Variants in ZMYM2 observed in about 807,000 individuals in gnomAD.
The protein encoded by ZMYM2 is zinc finger MYM-type containing 2, also known as zinc finger MYM-type protein 2.
A neutral mutation model predicts 162.8 loss-of-function variants in ZMYM2; 56 were observed. That is an observed-to-expected ratio of 0.34 (90% CI 0.28 to 0.43). ZMYM2 has a LOEUF of 0.43. Ranked by LOEUF, ZMYM2 falls within the 20% of genes least tolerant of loss-of-function variation. ZMYM2 has a pLI of 1.00. For missense variants in ZMYM2, 1,275 were observed against 1,621.8 expected, an observed-to-expected ratio of 0.79 and a Z score of 3.67; for synonymous variants, 510 against 541.6, an observed-to-expected ratio of 0.94 and a Z score of 0.81.
chr13:19,878,409 G>A, the ZMYM2 span, among the ~76,000 whole-genome samples: 1 of 151,486 alleles, frequency 6.6e-6, no homozygotes, highest in Admixed American at 6.6e-5. Context: ...ATCCAATTGT[G>A]GTTCTGATTT....
intron 2 of ZMYM2, among the ~76,000 whole-genome samples, chr13:19,979,428 CTT>C (rs71763618): frequency 0.038 from 4,217 of 110,880 alleles, 121 homozygotes; most frequent in East Asian, 0.15. Flanking sequence ...TTTTTCTGCA[CTT>C]TTTTTTTTTT....
At chr13:19,889,845 C>A in the ZMYM2 span, among the ~76,000 whole-genome samples, 2 of 151,110 alleles carry the variant, frequency 1.3e-5, no homozygotes, top group South Asian at 4.2e-4. Flanking sequence ...ATTTTTGAAC[C>A]AATAAGTATT....
chr13:20,054,714 A>G (rs1322350783), intron 14 of ZMYM2, among the ~76,000 whole-genome samples: 1 of 152,244 alleles, frequency 6.6e-6, no homozygotes. Flanking sequence ...ATTGACATAA[A>G]GTAGTATTTG....
intron 2 of ZMYM2, among the ~76,000 whole-genome samples, chr13:19,960,692 A>T (rs76069527): frequency 0.1 from 15,472 of 152,236 alleles, 1,303 homozygotes; most frequent in African/African-American, 0.22. Context: ...ATGTGTTACC[A>T]GAGAATTATT....
the ZMYM2 span, among the ~76,000 whole-genome samples, chr13:19,892,602 A>G: frequency 1.7e-4 from 25 of 151,376 alleles, 1 homozygote; most frequent in Non-Finnish European, 2.5e-4. Flanking sequence ...AAATTTTGAC[A>G]TGTGTTCTGG....
At chr13:20,051,206 C>CT (rs1955294062) in intron 12 of ZMYM2, among the ~76,000 whole-genome samples, 1 of 145,282 alleles carries the variant, frequency 6.9e-6, no homozygotes, top group African/African-American at 2.5e-5. Context: ...TAATGCTGGT[C>CT]TTTGACTTCT....
At chr13:19,889,686 C>G in the ZMYM2 span, among the ~76,000 whole-genome samples, 1 of 151,738 alleles carries the variant, frequency 6.6e-6, no homozygotes, top group East Asian at 1.9e-4. Context: ...ATCTCTTGTG[C>G]CTTTTAGTGC....
chr13:20,034,767 A>G (rs1799713219), intron 11 of ZMYM2, among the ~76,000 whole-genome samples: 1 of 152,180 alleles, frequency 6.6e-6, no homozygotes, highest in South Asian at 2.1e-4. Context: ...CTAACCTGCA[A>G]AGGTTTTCAA....
intron 24 of ZMYM2, among the ~76,000 whole-genome samples, chr13:20,084,150 C>CT (rs1958090983): frequency 6.6e-6 from 1 of 152,126 alleles, no homozygotes; most frequent in African/African-American, 2.4e-5. Context: ...GTTGCTGGGA[C>CT]TGCAGGCATG....
intron 14 of ZMYM2, among the ~76,000 whole-genome samples, chr13:20,056,057 G>A (rs10492509): frequency 0.013 from 2,051 of 152,256 alleles, 54 homozygotes; most frequent in African/African-American, 0.041. Flanking sequence ...TTATTTTTAC[G>A]AGGTCATTGG....
At chr13:20,055,099 G>A (rs1429260519) in intron 14 of ZMYM2, among the ~76,000 whole-genome samples, 1 of 151,866 alleles carries the variant, frequency 6.6e-6, no homozygotes, top group Non-Finnish European at 1.5e-5. Context: ...TTCTATAAAG[G>A]CTGACTGTGG....
At chr13:19,901,657 A>G in the ZMYM2 span, among the ~76,000 whole-genome samples, 1 of 152,034 alleles carries the variant, frequency 6.6e-6, no homozygotes, top group South Asian at 2.1e-4. Context: ...TTGTATTTTT[A>G]GTAGAGACGG....
chr13:19,930,802 G>A, the ZMYM2 span, among the ~76,000 whole-genome samples: 2 of 151,464 alleles, frequency 1.3e-5, no homozygotes, highest in Non-Finnish European at 2.9e-5. Context: ...GTTTTCCAAA[G>A]TGCTGGGATT....
At chr13:19,921,420 G>A in the ZMYM2 span, among the ~76,000 whole-genome samples, 1 of 152,088 alleles carries the variant, frequency 6.6e-6, no homozygotes, top group Non-Finnish European at 1.5e-5. Flanking sequence ...GATTATAGGC[G>A]TGAACCACGG....
At chr13:19,871,814 CAAATATTAA>C in the ZMYM2 span, among the ~76,000 whole-genome samples, 9 of 152,058 alleles carry the variant, frequency 5.9e-5, no homozygotes, top group African/African-American at 2.2e-4. Context: ...GATTTCTCAA[CAAATATTAA>C]AGAATGGATC....
the ZMYM2 span, among the ~76,000 whole-genome samples, chr13:19,933,645 C>T: frequency 2.0e-5 from 3 of 152,254 alleles, no homozygotes; most frequent in African/African-American, 7.2e-5. Flanking sequence ...AATATTGCAT[C>T]GCCAAGCAAT....
intron 2 of ZMYM2, among the ~76,000 whole-genome samples, chr13:19,971,244 G>GTGTGTGTATATA (rs5802035): frequency 6.0e-5 from 3 of 50,136 alleles, no homozygotes; most frequent in Admixed American, 2.9e-4. Context: ...GTGTGTGTGT[G>GTGTGTGTATATA]TATATATATA....
intron 2 of ZMYM2, among the ~76,000 whole-genome samples, chr13:19,980,392 C>G (rs76383384): frequency 6.6e-6 from 1 of 152,052 alleles, no homozygotes; most frequent in Admixed American, 6.6e-5. Flanking sequence ...TTCCCTACCT[C>G]ACTGTTTTAT....
At chr13:20,062,106 A>G (rs1048891852) in intron 17 of ZMYM2, among the ~76,000 whole-genome samples, 1 of 152,164 alleles carries the variant, frequency 6.6e-6, no homozygotes, top group Non-Finnish European at 1.5e-5. Flanking sequence ...CTTACCCTAG[A>G]GGACAATCAA....
Sources: gnomAD v4.1 joint callset for allele counts (sites outside exome capture counted in the v4.1 genomes callset) on GRCh38, gnomAD v4.1.1 for gene constraint, MANE v1.5 for transcripts, NCBI Gene and HGNC (gene_info 2026-07-23, HGNC 2026-07-21) for gene names.